The following ABCD2 variants were observed in gnomAD, a reference collection of about 807,000 sequenced individuals.
The protein encoded by ABCD2 is ATP binding cassette subfamily D member 2, also known as ATP-binding cassette sub-family D member 2.
Under a neutral mutation model 70.9 loss-of-function variants are expected in ABCD2, and 36 were observed. The ratio of observed to expected loss-of-function variants is 0.51; its 90% CI spans 0.39 to 0.67. The LOEUF is 0.67. Among genes scored for constraint, ABCD2 ranks in the 30% least tolerant of loss-of-function variants. The probability of loss-of-function intolerance (pLI) is 0.00; values close to 1 mark genes in which losing one functional copy is unlikely to be tolerated. For missense variants in ABCD2, 729 were observed against 890.2 expected, an observed-to-expected ratio of 0.82 and a Z score of 2.30; for synonymous variants, 304 against 306.9, an observed-to-expected ratio of 0.99 and a Z score of 0.10.
the ABCD2 span, among the ~76,000 whole-genome samples, chr12:39,541,423 C>T: frequency 3.3e-5 from 5 of 152,024 alleles, no homozygotes; most frequent in Admixed American, 2.0e-4. Context: ...AAGACTCTTG[C>T]GATGCGAGGA....
chr12:39,619,791 C>T lies in ABCD2; in HGVS notation c.-176G>A, dbSNP rs1942170186. 1.2e-5 allele frequency: 7 copies of T among 606,328 alleles called. No individual in the cohort carries two copies. The highest frequency in any genetic ancestry group is 2.0e-5 in the Non-Finnish European group (7 of 350,052). 37.6% of individuals were successfully genotyped at this position (606,328 alleles called of 1,614,324 possible). On this transcript the variant is annotated 5_prime_UTR_variant, in exon 1 of 10. Coordinates refer to ENST00000308666, the MANE Select transcript of ABCD2 (RefSeq NM_005164.4). ...TGTGACAGATGCAGCAGAGCTCAGA[C>T]TCCGCTGCATCTACCGGGAATGATT...
chr12:39,531,603 A>C, the ABCD2 span, among the ~76,000 whole-genome samples: 1 of 152,252 alleles, frequency 6.6e-6, no homozygotes, highest in Non-Finnish European at 1.5e-5. Flanking sequence ...TTCACGGATC[A>C]GTAAAACCTT....
intron 9 of ABCD2, among the ~76,000 whole-genome samples, chr12:39,562,410 T>A (rs1941273328): frequency 6.6e-6 from 1 of 151,718 alleles, no homozygotes; most frequent in Admixed American, 6.6e-5. Context: ...ATAATTGATT[T>A]TTTCAAAGAT....
At chr12:39,556,506 A>T (rs1485219027) in intron 9 of ABCD2, among the ~76,000 whole-genome samples, 15 of 152,122 alleles carry the variant, frequency 9.9e-5, no homozygotes, top group Non-Finnish European at 2.2e-4. Context: ...CTTGTGAAGA[A>T]GGTGCCTTTC....
At chr12:39,582,679 A>G (rs989814919) in intron 7 of ABCD2, among the ~76,000 whole-genome samples, 1 of 152,174 alleles carries the variant, frequency 6.6e-6, no homozygotes, top group Non-Finnish European at 1.5e-5. Flanking sequence ...TGCTTTCCAT[A>G]TATAGTAGGA....
At chr12:39,569,279 T>C (rs887202867) in intron 9 of ABCD2, among the ~76,000 whole-genome samples, 2 of 152,206 alleles carry the variant, frequency 1.3e-5, no homozygotes, top group African/African-American at 4.8e-5. Context: ...CTCCACCCAG[T>C]TGGAGCTTCC....
At chr12:39,538,205 T>C in the ABCD2 span, among the ~76,000 whole-genome samples, 1 of 149,194 alleles carries the variant, frequency 6.7e-6, no homozygotes, top group East Asian at 2.0e-4. Flanking sequence ...AGTCTCGCTG[T>C]GTCTCCCAGG....
chr12:39,595,746 C>T (rs1231561485), intron 6 of ABCD2, among the ~76,000 whole-genome samples: 2 of 152,148 alleles, frequency 1.3e-5, no homozygotes, highest in African/African-American at 2.4e-5. Flanking sequence ...TTCAGAATAT[C>T]TTCTGAAAAC....
chr12:39,594,225 T>C (rs1248985939), intron 6 of ABCD2, among the ~76,000 whole-genome samples: 8 of 152,172 alleles, frequency 5.3e-5, no homozygotes, highest in East Asian at 1.9e-4. Flanking sequence ...GTAAGGCACA[T>C]CTGAGTTCAA....
chr12:39,541,594 A>G, the ABCD2 span, among the ~76,000 whole-genome samples: 3 of 152,216 alleles, frequency 2.0e-5, no homozygotes, highest in Admixed American at 6.5e-5. Context: ...TGAGAGAACA[A>G]TCACAGGATT....
chr12:39,618,674 T>C lies in ABCD2; in HGVS notation c.939+3A>G. On this transcript the variant is annotated splice_donor_region_variant and intron_variant, in intron 1 of 9. Transcript: ENST00000308666. ...TCACCCATCACCTTAATTTCTATCT[T>C]ACCTTATGTCCTCTGTAAAAGGCAA... 1 of 1,608,548 alleles carries C rather than the reference T, an allele frequency of 6.2e-7. No individual in the cohort carries two copies. The highest frequency in any genetic ancestry group is 8.5e-7 in the Non-Finnish European group (1 of 1,177,406).
the ABCD2 span, among the ~76,000 whole-genome samples, chr12:39,533,956 T>TA: frequency 6.6e-6 from 1 of 152,170 alleles, no homozygotes; most frequent in Admixed American, 6.5e-5. Context: ...ACGAAAGTGA[T>TA]AAAAAATTGG....
At chr12:39,545,198 G>C (rs886230134), downstream of ABCD2, among the ~76,000 whole-genome samples, 1 of 152,178 alleles carries the variant, frequency 6.6e-6, no homozygotes, top group African/African-American at 2.4e-5. Flanking sequence ...ATGAAGTGCA[G>C]CAAGAGTAAT....
At chr12:39,584,144 G>T (rs1941634128) in intron 7 of ABCD2, among the ~76,000 whole-genome samples, 1 of 152,098 alleles carries the variant, frequency 6.6e-6, no homozygotes, top group South Asian at 2.1e-4. Context: ...CAGTGTATAA[G>T]TGTTCTCTTT....
intron 9 of ABCD2, among the ~76,000 whole-genome samples, chr12:39,570,875 A>G (rs1941437742): frequency 6.6e-6 from 1 of 152,240 alleles, no homozygotes; most frequent in Non-Finnish European, 1.5e-5. Flanking sequence ...AACATATATA[A>G]GAAATTCAAA....
At chr12:39,564,530 C>T (rs1470589736) in intron 9 of ABCD2, among the ~76,000 whole-genome samples, 1 of 152,110 alleles carries the variant, frequency 6.6e-6, no homozygotes, top group Non-Finnish European at 1.5e-5. Context: ...TGGATATTAG[C>T]CATTTGTCAG....
rs1156282407 is a variant in ABCD2, at chr12:39,600,790, A to AT, written c.1501-75dup. The AT allele has an allele frequency of 8.9e-5, 121 of 1,360,096 alleles. No homozygotes were observed. In the South Asian group the frequency reaches 1.6e-3, roughly 18 times the overall value. The allele number at this position is 1,360,096 out of a possible 1,614,324, so 84.3% of individuals were successfully genotyped here. A position where few individuals can be genotyped will look rare whatever the true frequency, so the allele number is the denominator to read the frequency against. ...TTTTGGCAGCACCTAAAAGTAAATT[A>AT]TTTTTTTAAAATGTTCGAAAACATG... On this transcript the variant is annotated intron_variant, in intron 5 of 9. Coordinates refer to ENST00000308666, the MANE Select transcript of ABCD2 (RefSeq NM_005164.4).
At position 39,613,237 on chromosome 12, in the gene ABCD2, T is replaced by A. The variant is rs1344291461; in HGVS notation, c.1120+3751A>T. 2.4e-5 allele frequency among the ~76,000 whole-genome samples: 3 copies of A among 123,398 alleles called. 1 individual carries two copies. The highest frequency in any genetic ancestry group is 4.9e-5 in the Non-Finnish European group (3 of 61,722). The allele number at this position is 123,398 out of a possible 152,430, so 81.0% of individuals were successfully genotyped here. The stretch of plus-strand genomic sequence containing the variant: ...CCGTCTCTACTAAAAATACAAAAAA[T>A]TAGCCGGGCGTAGTGGCGGGCGCCT... On this transcript the variant is annotated intron_variant, in intron 2 of 9. Coordinates refer to ENST00000308666, the MANE Select transcript of ABCD2 (RefSeq NM_005164.4).
chr12:39,611,619 G>A (rs1942046273), intron 2 of ABCD2, among the ~76,000 whole-genome samples: 1 of 151,896 alleles, frequency 6.6e-6, no homozygotes, highest in Admixed American at 6.6e-5. Context: ...ATAAAATAAG[G>A]AATAACTTTA....
Sources: allele counts gnomAD v4.1 joint callset (sites outside exome capture counted in the v4.1 genomes callset), GRCh38; gene constraint gnomAD v4.1.1; transcripts MANE v1.5; gene names NCBI Gene and HGNC (gene_info 2026-07-23, HGNC 2026-07-21).